The following SLC14A2 variants were observed in gnomAD, a reference collection of about 807,000 sequenced individuals.
SLC14A2 encodes solute carrier family 14 member 2.
Under a neutral mutation model 104.6 loss-of-function variants are expected in SLC14A2, and 91 were observed. That is an observed-to-expected ratio of 0.87 (90% CI 0.73 to 1.04). The LOEUF (loss-of-function observed/expected upper bound fraction) is 1.04, where lower values mean the gene tolerates loss of function less well. SLC14A2 is among the 50% of genes least tolerant of loss of function. SLC14A2 has a pLI of 0.00. For missense variants in SLC14A2, 1,189 were observed against 1,156.0 expected (o/e 1.03, Z -0.41); for synonymous variants, 476 against 466.4 (o/e 1.02, Z -0.27).
At chr18:45,589,234 G>T (rs2144381843) in intron 2 of SLC14A2, among the ~76,000 whole-genome samples, 1 of 150,560 alleles carries the variant, frequency 6.6e-6, no homozygotes, top group South Asian at 2.1e-4. Context: ...GGGATTTACT[G>T]CACAGAACGA....
At chr18:45,674,689 T>A (rs2046198353) in intron 18 of SLC14A2, among the ~76,000 whole-genome samples, 1 of 152,210 alleles carries the variant, frequency 6.6e-6, no homozygotes, top group Non-Finnish European at 1.5e-5. Context: ...GTAGGCACTT[T>A]AAATACGTCA....
rs994143905 is a variant in SLC14A2 at position 45,242,475 on chromosome 18, T to G, written c.-125+29284T>G. 8.5e-5 allele frequency among the ~76,000 whole-genome samples: 13 copies of G among 152,332 alleles called. No homozygotes were observed. The East Asian group carries it at 2.5e-3, about 29-fold the overall frequency. On this transcript the variant is annotated intron_variant, in intron 1 of 20. Transcript: ENST00000586448. ...TGATTAAAGATATGAATCAGAAAAT[T>G]AAAGGGCTTTTGGAGTTTAGGTTAT... is the stretch of plus-strand genomic sequence containing the variant.
At chr18:45,528,267 G>A (rs923995838) in intron 2 of SLC14A2, 3 of 151,384 alleles carry the variant, frequency 2.0e-5, no homozygotes, top group Non-Finnish European at 4.4e-5. Flanking sequence ...TTATCTGGAG[G>A]GCATAACATC....
At chr18:45,354,238 A>G (rs960990228) in intron 1 of SLC14A2, among the ~76,000 whole-genome samples, 5 of 152,172 alleles carry the variant, frequency 3.3e-5, no homozygotes, top group Admixed American at 1.3e-4. Flanking sequence ...CACCAGTCCA[A>G]CTTGTTAGCA....
chr18:45,404,426 C>G (rs923019228), intron 1 of SLC14A2, among the ~76,000 whole-genome samples: 3 of 152,158 alleles, frequency 2.0e-5, no homozygotes, highest in African/African-American at 7.2e-5. Flanking sequence ...CTCCTGACTT[C>G]CCCCCTTTCC....
intron 2 of SLC14A2, among the ~76,000 whole-genome samples, chr18:45,527,240 G>A (rs906576331): frequency 1.3e-5 from 2 of 152,198 alleles, no homozygotes; most frequent in African/African-American, 2.4e-5. Context: ...TCAAGGTTCT[G>A]TTGAGCAATA....
chr18:45,408,310 C>T (rs77450749), intron 1 of SLC14A2, among the ~76,000 whole-genome samples: 1 of 152,064 alleles, frequency 6.6e-6, no homozygotes, highest in African/African-American at 2.4e-5. Context: ...TTTGCTATCC[C>T]CTAGAACATT....
At chr18:45,363,428 G>A (rs114173189) in intron 1 of SLC14A2, among the ~76,000 whole-genome samples, 1 of 152,130 alleles carries the variant, frequency 6.6e-6, no homozygotes, top group African/African-American at 2.4e-5. Flanking sequence ...TCAGCACCTC[G>A]CATGAACTTG....
chr18:45,366,474 A>G (rs1327729836), intron 1 of SLC14A2, among the ~76,000 whole-genome samples: 1 of 152,138 alleles, frequency 6.6e-6, no homozygotes, highest in Non-Finnish European at 1.5e-5. Flanking sequence ...CTACAAAAAG[A>G]CAGTGTGCAA....
At chr18:45,343,171 C>G (rs1343613111) in intron 1 of SLC14A2, among the ~76,000 whole-genome samples, 3 of 144,578 alleles carry the variant, frequency 2.1e-5, no homozygotes, top group Non-Finnish European at 3.0e-5. Flanking sequence ...TCCTCATAAG[C>G]AAAACCCTAA....
chr18:45,544,990 C>T (rs2043948878), intron 2 of SLC14A2, among the ~76,000 whole-genome samples: 1 of 151,976 alleles, frequency 6.6e-6, no homozygotes, highest in African/African-American at 2.4e-5. Context: ...GATGGGATTT[C>T]TCCATGTTGG....
the SLC14A2 span, among the ~76,000 whole-genome samples, chr18:45,189,355 G>T: frequency 6.6e-6 from 1 of 152,150 alleles, no homozygotes; most frequent in African/African-American, 2.4e-5. Flanking sequence ...TTCTTATGAG[G>T]GTTGAATGGG....
At chr18:45,407,802 CACA>C (rs1331049124) in intron 1 of SLC14A2, among the ~76,000 whole-genome samples, 1 of 152,190 alleles carries the variant, frequency 6.6e-6, no homozygotes, top group African/African-American at 2.4e-5. Context: ...CCAGAACACA[CACA>C]ACATTTATCA....
intron 1 of SLC14A2, among the ~76,000 whole-genome samples, chr18:45,219,083 A>G (rs1439942133): frequency 6.6e-6 from 1 of 152,210 alleles, no homozygotes; most frequent in Non-Finnish European, 1.5e-5. Flanking sequence ...GAGTCCTCTC[A>G]AAGCGCTGAC....
chr18:45,402,492 A>C (rs1231477401), intron 1 of SLC14A2, among the ~76,000 whole-genome samples: 1 of 152,156 alleles, frequency 6.6e-6, no homozygotes, highest in Non-Finnish European at 1.5e-5. Flanking sequence ...TTCTTTTCCT[A>C]ATCAGGTTTA....
intron 1 of SLC14A2, among the ~76,000 whole-genome samples, chr18:45,410,324 T>G (rs909339338): frequency 6.6e-6 from 1 of 152,168 alleles, no homozygotes; most frequent in African/African-American, 2.4e-5. Flanking sequence ...ATAACTTGTT[T>G]TACTTTAAGC....
chr18:45,415,960 T>TG (rs1174961761), intron 1 of SLC14A2, among the ~76,000 whole-genome samples: 1 of 152,184 alleles, frequency 6.6e-6, no homozygotes, highest in Non-Finnish European at 1.5e-5. Flanking sequence ...CATTGCTAAC[T>TG]GCGCCAAGGG....
At chr18:45,581,048 T>C (rs1328519851) in intron 2 of SLC14A2, among the ~76,000 whole-genome samples, 1 of 152,086 alleles carries the variant, frequency 6.6e-6, no homozygotes, top group African/African-American at 2.4e-5. Flanking sequence ...ACCAGGGCCA[T>C]GGGGAAGGGA....
At chr18:45,280,387 G>A (rs537633461) in intron 1 of SLC14A2, among the ~76,000 whole-genome samples, 96 of 152,300 alleles carry the variant, frequency 6.3e-4, no homozygotes, top group African/African-American at 2.2e-3. Context: ...ATATAAGGGT[G>A]TTAAGGGGCC....
Sources: allele counts gnomAD v4.1 joint callset (sites outside exome capture counted in the v4.1 genomes callset), GRCh38; gene constraint gnomAD v4.1.1; transcripts MANE v1.5; gene names NCBI Gene and HGNC (gene_info 2026-07-23, HGNC 2026-07-21).